The following POU2F3 variants were observed in gnomAD, a reference collection of about 807,000 sequenced individuals.
POU2F3 encodes POU domain, class 2, transcription factor 3.
A neutral mutation model predicts 59.2 loss-of-function variants in POU2F3; 23 were observed. The observed-to-expected ratio is 0.39, with a 90% CI of 0.28 to 0.55. The LOEUF (loss-of-function observed/expected upper bound fraction) is 0.55. POU2F3 is among the 20% of genes least tolerant of loss of function. POU2F3 has a pLI of 0.66. For missense variants in POU2F3, 473 were observed against 544.5 expected, an observed-to-expected ratio of 0.87 and a Z score of 1.31; for synonymous variants, 190 against 214.6, an observed-to-expected ratio of 0.89 and a Z score of 1.00.
chr11:120,280,704 C>A (rs1940530837), intron 3 of POU2F3, among the ~76,000 whole-genome samples: 2 of 152,148 alleles, frequency 1.3e-5, no homozygotes, highest in Admixed American at 6.5e-5. Context: ...TTACCCAGAG[C>A]CCCTCACTTG....
intron 2 of POU2F3, chr11:120,249,811 A>C (rs1185519903): frequency 3.3e-5 from 5 of 152,170 alleles, no homozygotes; most frequent in Admixed American, 2.0e-4. Flanking sequence ...TTCTTACAAT[A>C]AGGCTATGAG....
chr11:120,276,116 G>T (rs573274902), intron 3 of POU2F3, among the ~76,000 whole-genome samples: 1 of 152,192 alleles, frequency 6.6e-6, no homozygotes, highest in African/African-American at 2.4e-5. Context: ...AGGGTCCGTG[G>T]TGATGGCAGA....
At chr11:120,284,475 A>G (rs1183229640) in intron 3 of POU2F3, among the ~76,000 whole-genome samples, 1 of 151,872 alleles carries the variant, frequency 6.6e-6, no homozygotes, top group African/African-American at 2.4e-5. Flanking sequence ...TGGGCCCGGG[A>G]GCTATTTACA....
chr11:120,318,265 G>T (rs1197131525), intron 12 of POU2F3, 88 bp from the exon 13 acceptor site: 16 of 1,275,014 alleles, frequency 1.3e-5, no homozygotes, highest in Non-Finnish European at 1.6e-5. Flanking sequence ...ACCTGCAAAA[G>T]CCCCTGTACC....
At chr11:120,266,190 C>T (rs1477995238) in intron 2 of POU2F3, among the ~76,000 whole-genome samples, 1 of 152,224 alleles carries the variant, frequency 6.6e-6, no homozygotes, top group Non-Finnish European at 1.5e-5. Flanking sequence ...ACCACAGCTT[C>T]ACCGAGGAAG....
At chr11:120,268,884 G>A (rs1939945613) in intron 2 of POU2F3, among the ~76,000 whole-genome samples, 2 of 152,136 alleles carry the variant, frequency 1.3e-5, no homozygotes, top group Admixed American at 6.6e-5. Context: ...TGAGGGGGAA[G>A]CCCGGGCATA....
chr11:120,257,973 A>T (rs1445935121), intron 2 of POU2F3, among the ~76,000 whole-genome samples: 1 of 152,184 alleles, frequency 6.6e-6, no homozygotes, highest in Admixed American at 6.5e-5. Context: ...TTCCAGCCTC[A>T]GTTTCCTTAT....
At chr11:120,288,419 T>C (rs1940894525) in intron 3 of POU2F3, among the ~76,000 whole-genome samples, 2 of 152,208 alleles carry the variant, frequency 1.3e-5, no homozygotes, top group Admixed American at 6.5e-5. Flanking sequence ...TTTCTGTGAC[T>C]GAAAATCCAC....
intron 6 of POU2F3, chr11:120,302,715 C>G (rs1330813688): frequency 1.2e-5 from 3 of 246,240 alleles, no homozygotes; most frequent in African/African-American, 2.2e-5. Flanking sequence ...GCCACGAACC[C>G]TACCTAGGTG....
upstream of POU2F3, among the ~76,000 whole-genome samples, chr11:120,238,695 G>A (rs1212503266): frequency 6.6e-6 from 1 of 151,788 alleles, no homozygotes; most frequent in Non-Finnish European, 1.5e-5. Context: ...TTAGCTGGGT[G>A]TAGTGGCACG....
At chr11:120,258,514 A>T (rs1007815414) in intron 2 of POU2F3, among the ~76,000 whole-genome samples, 9 of 152,124 alleles carry the variant, frequency 5.9e-5, no homozygotes, top group African/African-American at 2.2e-4. Context: ...CAGAGCAAGG[A>T]GTCTCTGGTT....
chr11:120,236,740 C>T (rs568407183), upstream of POU2F3: 254 of 1,445,576 alleles, frequency 1.8e-4, no homozygotes, highest in Middle Eastern at 1.0e-3. Context: ...CATTCTAGCT[C>T]ATCTAACTGA....
chr11:120,302,030 C>T (rs912110531), intron 5 of POU2F3: 19 of 433,820 alleles, frequency 4.4e-5, no homozygotes, highest in African/African-American at 8.1e-5. Context: ...TCCAGACAGG[C>T]GGGCAGGTGG....
At chr11:120,252,469 A>T (rs1591376966) in intron 2 of POU2F3, among the ~76,000 whole-genome samples, 1 of 150,984 alleles carries the variant, frequency 6.6e-6, no homozygotes, top group African/African-American at 2.4e-5. Context: ...CGGCCTCCCA[A>T]AGTGCTGGGA....
intron 2 of POU2F3, among the ~76,000 whole-genome samples, chr11:120,253,260 T>A (rs1939192079): frequency 7.3e-6 from 1 of 137,336 alleles, no homozygotes; most frequent in African/African-American, 3.0e-5. Flanking sequence ...TTAACATTTT[T>A]AATTTTTTTT....
chr11:120,310,374 A>G (rs1941621418), intron 10 of POU2F3, among the ~76,000 whole-genome samples: 1 of 152,176 alleles, frequency 6.6e-6, no homozygotes, highest in African/African-American at 2.4e-5. Context: ...TGAAAACTGC[A>G]GGAAGAGCAA....
intron 2 of POU2F3, among the ~76,000 whole-genome samples, chr11:120,258,748 C>CT (rs1488024717): frequency 3.3e-5 from 5 of 152,152 alleles, no homozygotes; most frequent in Admixed American, 3.3e-4. Context: ...TGCCTGGACA[C>CT]TTTTTTCTGA....
intron 2 of POU2F3, among the ~76,000 whole-genome samples, chr11:120,257,357 T>C (rs935218033): frequency 6.6e-6 from 1 of 152,078 alleles, no homozygotes; most frequent in African/African-American, 2.4e-5. Flanking sequence ...TTTTGTTCTT[T>C]CCTTGGACAG....
In POU2F3 at chr11:120,254,408, G is replaced by C. The variant is rs185337054; in HGVS notation, c.97+7891G>C. ...GGTTGCTCTTTCAAGGCAGAATTGG[G>C]TGCTTGAGGAAGTTTGTGAAACTAC... On this transcript the variant is annotated intron_variant, in intron 2 of 12. Coordinates refer to ENST00000543440, the MANE Select transcript of POU2F3 (RefSeq NM_014352.4). Among the ~76,000 whole-genome samples the C allele has an allele frequency of 1.8e-4, 28 of 152,344 alleles. 1 individual carries two copies. In the East Asian group the frequency reaches 4.8e-3, roughly 26 times the overall value.
Sources: gnomAD v4.1 joint callset for allele counts (sites outside exome capture counted in the v4.1 genomes callset) on GRCh38, gnomAD v4.1.1 for gene constraint, MANE v1.5 for transcripts, NCBI Gene and HGNC (gene_info 2026-07-23, HGNC 2026-07-21) for gene names.